RBM27: variants seen among roughly 807,000 people sequenced by gnomAD.
RBM27 encodes RNA binding motif protein 27.
A neutral mutation model predicts 135.3 loss-of-function variants in RBM27; 22 were observed. That is an observed-to-expected ratio of 0.16 (90% CI 0.12 to 0.23). The LOEUF is 0.23. Ranked by LOEUF, RBM27 falls within the 10% of genes least tolerant of loss-of-function variation. The pLI, the probability that RBM27 is intolerant of heterozygous loss-of-function variation, is 1.00. For missense variants in RBM27, 1,009 were observed against 1,281.0 expected (o/e 0.79, Z 3.24); for synonymous variants, 481 against 442.4 (o/e 1.09, Z -1.10).
intron 1 of RBM27, among the ~76,000 whole-genome samples, chr5:146,208,071 C>T (rs534287613): frequency 2.6e-5 from 4 of 151,114 alleles, no homozygotes; most frequent in African/African-American, 9.7e-5. Flanking sequence ...ATTCTCCTGC[C>T]TCAGCCTCCT....
At chr5:146,274,594 CT>C (rs1230705428) in intron 19 of RBM27, among the ~76,000 whole-genome samples, 1 of 152,054 alleles carries the variant, frequency 6.6e-6, no homozygotes, top group Admixed American at 6.6e-5. Flanking sequence ...TAAAATCAGA[CT>C]TTTTTCTTCA....
intron 15 of RBM27, among the ~76,000 whole-genome samples, chr5:146,268,264 C>CG (rs2126875657): frequency 7.0e-6 from 1 of 143,560 alleles, no homozygotes; most frequent in African/African-American, 2.5e-5. Context: ...TTTTTTGAGA[C>CG]GGAGTTTTGC....
chr5:146,221,084 G>C (rs1756444571), intron 2 of RBM27, among the ~76,000 whole-genome samples: 1 of 151,712 alleles, frequency 6.6e-6, no homozygotes, highest in African/African-American at 2.4e-5. Flanking sequence ...AGCCGGGCAT[G>C]GTGGTGGGCG....
chr5:146,275,582 A>T (rs1479829064), intron 19 of RBM27, among the ~76,000 whole-genome samples: 2 of 152,136 alleles, frequency 1.3e-5, no homozygotes, highest in African/African-American at 4.8e-5. Flanking sequence ...AGAACTTTTT[A>T]AAAAATAGAA....
At chr5:146,257,318 A>G (rs1049878746) in intron 10 of RBM27, among the ~76,000 whole-genome samples, 2 of 152,212 alleles carry the variant, frequency 1.3e-5, no homozygotes, top group Admixed American at 1.3e-4. Context: ...TGTTCAGTAC[A>G]CGTCTTCCTA....
At position 146,203,648 on chromosome 5, in the gene RBM27, TA is replaced by T. The variant is rs1307648914; in HGVS notation, c.-116del. ...GCCGGGGGAGTAGGTTGAAGTCTCC[TA>T]AGATGCCCGGTGGGCTGGGGCACCG... On this transcript the variant is annotated 5_prime_UTR_variant, in exon 1 of 21. Transcript: ENST00000265271. 1.1e-6 allele frequency: 1 copy of T among 949,162 alleles called. No individual in the cohort carries two copies. The highest frequency in any genetic ancestry group is 1.7e-5 in the African/African-American group (1 of 60,156). 58.8% of individuals were successfully genotyped at this position (949,162 alleles called of 1,614,324 possible). A position where few individuals can be genotyped will look rare whatever the true frequency, so the allele number is the denominator to read the frequency against.
rs1758094040 is a variant in RBM27 at position 146,256,264 on chromosome 5, A to G, written c.1594+1172A>G. On this transcript the variant is annotated intron_variant, in intron 10 of 20. Transcript: ENST00000265271. ...ATAACAGGTTTTGTATGAAGACTAC[A>G]CCAAATGCCTTCTCATATATATATA... 2.0e-5 allele frequency among the ~76,000 whole-genome samples: 3 copies of G among 147,530 alleles called. No individual in the cohort carries two copies. In the South Asian group the frequency reaches 6.3e-4, roughly 31 times the overall value.
chr5:146,271,292 T>G (rs1193181107), intron 18 of RBM27, among the ~76,000 whole-genome samples, 191 bp from the exon 19 acceptor site: 1 of 150,826 alleles, frequency 6.6e-6, no homozygotes, highest in African/African-American at 2.4e-5. Context: ...CCCAGCTGCT[T>G]GGGAGGCTGA....
At chr5:146,204,573 A>G (rs7710123) in intron 1 of RBM27, among the ~76,000 whole-genome samples, 4,148 of 152,268 alleles carry the variant, frequency 0.027, 211 homozygotes, top group African/African-American at 0.095. Flanking sequence ...GTTTAGTTGA[A>G]GGTTGAAAGG....
At chr5:146,257,745 C>T (rs1758173060) in intron 10 of RBM27, among the ~76,000 whole-genome samples, 1 of 151,820 alleles carries the variant, frequency 6.6e-6, no homozygotes, top group Non-Finnish European at 1.5e-5. Flanking sequence ...AAATAATGTC[C>T]ATTAATGGTG....
chr5:146,273,240 T>A (rs1758946153), intron 19 of RBM27, among the ~76,000 whole-genome samples: 1 of 152,180 alleles, frequency 6.6e-6, no homozygotes, highest in Non-Finnish European at 1.5e-5. Context: ...TGTTCTATCC[T>A]GTGGTCACTG....
chr5:146,245,694 G>T (rs560715581), intron 8 of RBM27, among the ~76,000 whole-genome samples: 1 of 152,062 alleles, frequency 6.6e-6, no homozygotes. Context: ...TAGAGCAGGG[G>T]TCCCCAAACC....
chr5:146,261,795 G>C lies in RBM27; in HGVS notation c.2179G>C (p.Gly727Arg), dbSNP rs760544514. 1.9e-6 allele frequency: 3 copies of C among 1,614,132 alleles called. No homozygotes were observed. Among genetic ancestry groups the C allele is most frequent in the East Asian group, 4.5e-5 (2 of 44,882 alleles). Residue 727 changes from glycine (G) to arginine (R), a missense_variant, in exon 13 of 21, where the codon GGT (glycine) becomes CGT (arginine). Physicochemically the swap from Gly to Arg is moderately radical, Grantham distance 125 (BLOSUM62 -2). Transcript: ENST00000265271. ...AQSAPSTVHGGIQKMMSKPQT... is the reference protein window; with the variant it reads ...AQSAPSTVHGRIQKMMSKPQT... ...GTCTGCTCCTTCAACAGTGCACGGA[G>C]GTATCCAGAAGGTAATCTGGTTCAC...
At chr5:146,214,821 G>T (rs964118515) in intron 1 of RBM27, among the ~76,000 whole-genome samples, 6 of 152,152 alleles carry the variant, frequency 3.9e-5, no homozygotes, top group Non-Finnish European at 7.4e-5. Flanking sequence ...ATTTGGTGCA[G>T]ATTTCTGTCA....
At position 146,251,770 on chromosome 5, in the gene RBM27, A is replaced by G. The variant is rs980612916; in HGVS notation, c.1339A>G (p.Thr447Ala). Reference protein sequence around the residue: ...AAASERLQLGTPPPLLAARLV... With the variant: ...AAASERLQLGAPPPLLAARLV... ...TGCATCTGAGCGACTTCAGTTGGGG[A>G]CACCGCCTCCTCTGTTGGCAGCTCG... The change falls in exon 9 of 21, where the codon ACA (threonine) becomes GCA (alanine). Residue 447 changes from threonine (T) to alanine (A), a missense_variant. Around this residue, in one of 6 missense-constraint regions of RBM27, gnomAD observed 329 missense variants for 368.1 expected, o/e 0.89. Coordinates refer to ENST00000265271, the MANE Select transcript of RBM27 (RefSeq NM_018989.2). The G allele has an allele frequency of 1.2e-6, 2 of 1,613,440 alleles. No homozygotes were observed. Among genetic ancestry groups the G allele is most frequent in the Non-Finnish European group, 8.5e-7 (1 of 1,179,406 alleles).
chr5:146,228,278 CTTTCTTTTTTT>C (rs1196761776), intron 3 of RBM27, among the ~76,000 whole-genome samples: 2 of 116,860 alleles, frequency 1.7e-5, no homozygotes, highest in East Asian at 2.2e-4. Flanking sequence ...AGGGACCATT[CTTTCTTTTTTT>C]TTTTTTTTTT....
chr5:146,237,535 A>T, intron 8 of RBM27, 103 bp downstream of exon 8: 1 of 1,283,890 alleles, frequency 7.8e-7, no homozygotes. Flanking sequence ...TTCTGTTCTT[A>T]TGGATTCTAA....
At chr5:146,217,542 A>G (rs1309064893) in intron 1 of RBM27, among the ~76,000 whole-genome samples, 1 of 127,702 alleles carries the variant, frequency 7.8e-6, no homozygotes, top group Non-Finnish European at 1.5e-5. Context: ...TGGCATGATC[A>G]TGGCTTGCTG....
intron 19 of RBM27, 128 bp from the exon 20 acceptor site, chr5:146,284,494 A>G (rs1759503217): frequency 1.5e-6 from 1 of 689,654 alleles, no homozygotes; most frequent in Non-Finnish European, 2.6e-6. Flanking sequence ...CTCTCATTGG[A>G]GATTGTAGAT....
Sources: allele counts gnomAD v4.1 joint callset (sites outside exome capture counted in the v4.1 genomes callset), GRCh38; gene constraint gnomAD v4.1.1; regional missense constraint gnomAD v4.1.1; transcripts MANE v1.5; gene names NCBI Gene and HGNC (gene_info 2026-07-23, HGNC 2026-07-21).